Variants in BAIAP2L1 observed in about 807,000 individuals in gnomAD.
BAIAP2L1 encodes the protein BAR/IMD domain-containing adapter protein 2-like 1.
In BAIAP2L1, 35 loss-of-function variants were observed where a neutral mutation model predicts 66.3. That is an observed-to-expected ratio of 0.53 (90% CI 0.40 to 0.70). The LOEUF (loss-of-function observed/expected upper bound fraction) is 0.70, where lower values mean the gene tolerates loss of function less well. Ranked by LOEUF, BAIAP2L1 falls within the 30% of genes least tolerant of loss-of-function variation. The probability of loss-of-function intolerance (pLI) is 0.00; values close to 1 mark genes in which losing one functional copy is unlikely to be tolerated. For synonymous variants in BAIAP2L1, 269 were observed against 248.7 expected, an observed-to-expected ratio of 1.08 and a Z score of -0.77; for missense variants, 622 against 656.9, an observed-to-expected ratio of 0.95 and a Z score of 0.58.
chr7:98,347,154 T>A (rs546249618), intron 3 of BAIAP2L1, among the ~76,000 whole-genome samples: 1 of 127,868 alleles, frequency 7.8e-6, no homozygotes, highest in South Asian at 2.9e-4. Flanking sequence ...ATAGAAAAGA[T>A]GCTCGCCCTA....
chr7:98,397,795 G>A (rs1803251469), intron 1 of BAIAP2L1, among the ~76,000 whole-genome samples: 1 of 152,166 alleles, frequency 6.6e-6, no homozygotes, highest in Non-Finnish European at 1.5e-5. Flanking sequence ...TGTGGAGTGG[G>A]GAGGGATTTT....
At chr7:98,379,077 C>T (rs181669092) in intron 1 of BAIAP2L1, among the ~76,000 whole-genome samples, 93 of 152,194 alleles carry the variant, frequency 6.1e-4, no homozygotes, top group African/African-American at 2.1e-3. Flanking sequence ...GATCTGACCT[C>T]GTGGTTGGCC....
At chr7:98,310,036 C>T (rs950947200) in intron 9 of BAIAP2L1, 5 of 160,094 alleles carry the variant, frequency 3.1e-5, no homozygotes, top group South Asian at 1.6e-4. Context: ...TTTTTAGTAG[C>T]GATGGGGTTT....
chr7:98,388,407 C>T (rs1361056867), intron 1 of BAIAP2L1, among the ~76,000 whole-genome samples: 1 of 152,182 alleles, frequency 6.6e-6, no homozygotes, highest in Non-Finnish European at 1.5e-5. Context: ...GCAGGAGAAT[C>T]GCTTCAACCC....
At chr7:98,386,452 C>T (rs1802892868) in intron 1 of BAIAP2L1, 1 of 1,597,026 alleles carries the variant, frequency 6.3e-7, no homozygotes, top group Non-Finnish European at 8.5e-7. Context: ...AGCGTCTTTC[C>T]AATATTTCTT....
chr7:98,329,728 T>G (rs1281534952), intron 3 of BAIAP2L1, among the ~76,000 whole-genome samples: 1 of 145,644 alleles, frequency 6.9e-6, no homozygotes, highest in African/African-American at 2.5e-5. Context: ...AAAAAAAGAC[T>G]CAGAAACTCT....
intron 3 of BAIAP2L1, among the ~76,000 whole-genome samples, chr7:98,339,508 T>C (rs1801690420): frequency 1.3e-5 from 2 of 152,214 alleles, no homozygotes; most frequent in Non-Finnish European, 2.9e-5. Flanking sequence ...GAACCCCACC[T>C]GCACTAACGA....
At chr7:98,331,305 A>G (rs566460946) in intron 3 of BAIAP2L1, among the ~76,000 whole-genome samples, 3 of 152,108 alleles carry the variant, frequency 2.0e-5, no homozygotes, top group Non-Finnish European at 4.4e-5. Flanking sequence ...AGGGAACAAA[A>G]ACAATAAAAA....
chr7:98,344,720 A>C (rs1300529212), intron 3 of BAIAP2L1, among the ~76,000 whole-genome samples: 3 of 152,224 alleles, frequency 2.0e-5, no homozygotes, highest in African/African-American at 7.2e-5. Context: ...GGATCACCTG[A>C]GGTCAGGAGT....
chr7:98,304,604 ATGACATGATG>A (rs1449677395), intron 11 of BAIAP2L1, among the ~76,000 whole-genome samples: 3 of 152,046 alleles, frequency 2.0e-5, no homozygotes, highest in African/African-American at 7.2e-5. Flanking sequence ...CTGGAGTGCA[ATGACATGATG>A]TCAGCTCACT....
At chr7:98,322,319 G>A (rs1801272528) in intron 3 of BAIAP2L1, among the ~76,000 whole-genome samples, 3 of 152,146 alleles carry the variant, frequency 2.0e-5, no homozygotes, top group African/African-American at 4.8e-5. Flanking sequence ...CCCAGCTCAG[G>A]ATTCAACCCT....
intron 1 of BAIAP2L1, 52 bp from the exon 2 acceptor site, chr7:98,362,484 C>T: frequency 6.7e-7 from 1 of 1,493,050 alleles, no homozygotes; most frequent in Non-Finnish European, 9.2e-7. Flanking sequence ...TAAACCAAGT[C>T]ATCTTCAGAT....
chr7:98,316,433 A>T (rs1801078201), intron 6 of BAIAP2L1, among the ~76,000 whole-genome samples: 1 of 152,206 alleles, frequency 6.6e-6, no homozygotes, highest in Non-Finnish European at 1.5e-5. Flanking sequence ...GCCAGGATAA[A>T]AAGCCCATGT....
intron 1 of BAIAP2L1, among the ~76,000 whole-genome samples, chr7:98,385,561 G>A (rs989109087): frequency 6.6e-6 from 1 of 151,472 alleles, no homozygotes; most frequent in Non-Finnish European, 1.5e-5. Flanking sequence ...ACAGCCACAC[G>A]CCCCCATGCC....
chr7:98,332,382 CAAAAAAAAAAAAAAAA>C (rs55987839), intron 3 of BAIAP2L1, among the ~76,000 whole-genome samples: 2 of 27,762 alleles, frequency 7.2e-5, no homozygotes, highest in African/African-American at 1.7e-4. Context: ...GACTCCATCT[CAAAAAAAAAAAAAAAA>C]AAAAAAAAAA....
At chr7:98,393,536 C>T (rs1165903839) in intron 1 of BAIAP2L1, among the ~76,000 whole-genome samples, 3 of 151,858 alleles carry the variant, frequency 2.0e-5, no homozygotes, top group African/African-American at 2.4e-5. Flanking sequence ...CTCCCTCTGT[C>T]GCCCAGGCTG....
intron 3 of BAIAP2L1, among the ~76,000 whole-genome samples, chr7:98,325,293 G>C (rs1801353958): frequency 6.6e-6 from 1 of 152,042 alleles, no homozygotes; most frequent in Non-Finnish European, 1.5e-5. Flanking sequence ...TGAGGCAGGA[G>C]AACTGCAGAG....
chr7:98,352,066 C>T (rs1257933535), intron 3 of BAIAP2L1, among the ~76,000 whole-genome samples: 1 of 147,318 alleles, frequency 6.8e-6, no homozygotes, highest in Non-Finnish European at 1.5e-5. Flanking sequence ...GAGAAAAATA[C>T]AATCTATCTT....
At position 98,292,916 on chromosome 7, in the gene BAIAP2L1, A is replaced by G. The variant is rs972891892; in HGVS notation, c.*605T>C. 2.1e-5 allele frequency: 30 copies of G among 1,402,552 alleles called. No homozygotes were observed. In the African/African-American group the frequency reaches 3.8e-4, roughly 18 times the overall value. The allele number at this position is 1,402,552 out of a possible 1,614,324, so 86.9% of individuals were successfully genotyped here. A position where few individuals can be genotyped will look rare whatever the true frequency, so the allele number is the denominator to read the frequency against. ...TGCTACGTGTGGCTGTGATAAGGGC[A>G]GGCAAAGCGTCTTAGCACTCTACAG... On this transcript the variant is annotated 3_prime_UTR_variant, in exon 14 of 14. Coordinates refer to ENST00000005260, the MANE Select transcript of BAIAP2L1 (RefSeq NM_018842.5).
Sources: gnomAD v4.1 joint callset for allele counts (sites outside exome capture counted in the v4.1 genomes callset) on GRCh38, gnomAD v4.1.1 for gene constraint, MANE v1.5 for transcripts, NCBI Gene and HGNC (gene_info 2026-07-23, HGNC 2026-07-21) for gene names.